MAPT: variants seen among roughly 807,000 people sequenced by gnomAD.
MAPT encodes microtubule associated protein tau.
In MAPT, 34 loss-of-function variants were observed where a neutral mutation model predicts 67.9. The observed-to-expected ratio is 0.50, with a 90% CI of 0.38 to 0.67. MAPT has a LOEUF of 0.67. MAPT is among the 30% of genes least tolerant of loss of function. The pLI is 0.00. For synonymous variants in MAPT, 456 were observed against 464.5 expected (o/e 0.98, Z 0.23); for missense variants, 881 against 1,115.2 (o/e 0.79, Z 2.99).
chr17:45,966,965 C>A (rs377118272), intron 2 of MAPT, among the ~76,000 whole-genome samples: 4 of 152,198 alleles, frequency 2.6e-5, no homozygotes, highest in East Asian at 3.9e-4. Flanking sequence ...CAAATTAATT[C>A]TTGCTACTGA....
intron 1 of MAPT, among the ~76,000 whole-genome samples, chr17:45,927,259 T>C (rs2066429572): frequency 6.6e-6 from 1 of 152,144 alleles, no homozygotes; most frequent in Non-Finnish European, 1.5e-5. Context: ...ATTTCTTTTC[T>C]GTTGTGGGCC....
intron 1 of MAPT, among the ~76,000 whole-genome samples, chr17:45,953,497 C>T (rs2069296702): frequency 6.6e-6 from 1 of 152,216 alleles, no homozygotes; most frequent in Admixed American, 6.5e-5. Flanking sequence ...AGCCTCCCTG[C>T]TTAGAGATTC....
chr17:45,974,180 G>A (rs2072045748), intron 3 of MAPT: 1 of 613,356 alleles, frequency 1.6e-6, no homozygotes, highest in African/African-American at 1.8e-5. Flanking sequence ...CGGTTCATGA[G>A]CCAGAACCAC....
chr17:45,909,063 A>G (rs1269482922), intron 1 of MAPT, among the ~76,000 whole-genome samples: 1 of 152,240 alleles, frequency 6.6e-6, no homozygotes, highest in African/African-American at 2.4e-5. Flanking sequence ...CATGGATCCC[A>G]GCGGGAGCTG....
chr17:45,972,056 C>G (rs1430317859), intron 3 of MAPT, 111 bp downstream of exon 3: 2 of 796,108 alleles, frequency 2.5e-6, no homozygotes, highest in South Asian at 2.9e-5. Context: ...GATGTGCTCA[C>G]TCCTTCGGTG....
chr17:45,938,693 A>G (rs2067580174), intron 1 of MAPT, among the ~76,000 whole-genome samples: 1 of 151,800 alleles, frequency 6.6e-6, no homozygotes, highest in African/African-American at 2.4e-5. Context: ...TTCAGGCTGG[A>G]GTGCAGTGGT....
intron 1 of MAPT, among the ~76,000 whole-genome samples, chr17:45,907,401 T>C (rs1026397118): frequency 6.6e-6 from 1 of 152,178 alleles, no homozygotes; most frequent in African/African-American, 2.4e-5. Context: ...TGCCTCACAG[T>C]TTCCTTCTTG....
chr17:45,900,332 G>T (rs560035447), intron 1 of MAPT, among the ~76,000 whole-genome samples: 3 of 152,318 alleles, frequency 2.0e-5, no homozygotes, highest in African/African-American at 4.8e-5. Context: ...CCTCTGCCAG[G>T]TTCCCTGCCT....
Position 45,996,557 on chromosome 17 carries a change from G to A in MAPT, c.1891G>A (p.Ala631Thr), listed in dbSNP as rs63750096. 1,820 of 1,612,214 alleles carry A rather than the reference G, an allele frequency of 1.1e-3. 2 individuals are homozygous for A. Among genetic ancestry groups the A allele is most frequent in the Non-Finnish European group, 1.4e-3 (1,667 of 1,179,172 alleles). ...VRTPPKSPSS[A>T]KSRLQTAPVP... ...TACTCCACCCAAGTCGCCGTCTTCC[G>A]CCAAGAGCCGCCTGCAGACAGCCCC... The change falls in exon 9 of 13, where the codon GCC becomes ACC. Residue 631 changes from alanine to threonine, a missense_variant. Transcript: ENST00000262410. This position sits in a 1 kb window ranked among gnomAD's most constrained non-coding sequence, Gnocchi z 4.5.
Position 45,996,862 on chromosome 17 carries a change from G to T in MAPT, c.1998+198G>T, listed in dbSNP as rs968859797. Among the ~76,000 whole-genome samples, 4 of 152,238 alleles carry T rather than the reference G, an allele frequency of 2.6e-5. No homozygotes were observed. Among genetic ancestry groups the T allele is most frequent in the African/African-American group, 4.8e-5 (2 of 41,460 alleles). On this transcript the variant is annotated intron_variant, in intron 9 of 12. Transcript: ENST00000262410. This position sits in a 1 kb window ranked among gnomAD's most constrained non-coding sequence, Gnocchi z 4.5. ...TCCCCTCTGGACCCTCTTCAAGGAA[G>T]TTCAGTTCTTTATTGGGCTCTCCAC...
chr17:46,012,940 G>A (rs2146058821), intron 10 of MAPT, among the ~76,000 whole-genome samples: 1 of 152,180 alleles, frequency 6.6e-6, no homozygotes, highest in Non-Finnish European at 1.5e-5. Context: ...CAACGTCCTT[G>A]CCACAGATCA....
At position 45,991,540 on chromosome 17, in the gene MAPT, G is replaced by A. The variant is rs776426411; in HGVS notation, c.1686G>A (p.Arg562=). The A allele has an allele frequency of 1.2e-6, 2 of 1,614,204 alleles. No individual in the cohort carries two copies. The highest frequency in any genetic ancestry group is 3.3e-5 in the Admixed American group (2 of 60,032). Residue 562 remains arginine, a synonymous_variant, in exon 8 of 13, where the codon AGG becomes AGA. Coordinates refer to ENST00000262410, the MANE Select transcript of MAPT (RefSeq NM_001377265.1). ...AGAAGGGCCAGGCCAACGCCACCAG[G>A]ATTCCAGCAAAAACCCCGCCCGCTC... The part of the protein sequence containing the change: ...PGQKGQANAT[R]IPAKTPPAPK...
chr17:46,019,665 G>C (rs1000056502), intron 12 of MAPT, among the ~76,000 whole-genome samples: 1 of 151,452 alleles, frequency 6.6e-6, no homozygotes, highest in African/African-American at 2.4e-5. Context: ...CACAGTGCTC[G>C]GCCTAAGTCA....
At chr17:45,908,252 A>G (rs2064470202) in intron 1 of MAPT, 1 of 152,214 alleles carries the variant, frequency 6.6e-6, no homozygotes, top group East Asian at 1.9e-4. Flanking sequence ...AAGCATGAAA[A>G]ATGTTCACAC....
At chr17:45,965,543 G>T (rs1401128084) in intron 2 of MAPT, among the ~76,000 whole-genome samples, 1 of 151,084 alleles carries the variant, frequency 6.6e-6, no homozygotes, top group Non-Finnish European at 1.5e-5. Context: ...AGCCTCCCAA[G>T]TAGCTAGGAT....
intron 11 of MAPT, among the ~76,000 whole-genome samples, chr17:46,017,323 G>T (rs1040040784): frequency 2.0e-5 from 3 of 152,110 alleles, no homozygotes; most frequent in Non-Finnish European, 2.9e-5. Flanking sequence ...TCCCAGGCTG[G>T]AGTGCAGTGG....
intron 4 of MAPT, among the ~76,000 whole-genome samples, chr17:45,981,274 A>G (rs3785885): frequency 0.73 from 110,827 of 152,096 alleles, 40,553 homozygotes; most frequent in East Asian, 0.85. Context: ...AGGTTGTTGC[A>G]TTGGGACTAG....
intron 4 of MAPT, among the ~76,000 whole-genome samples, chr17:45,981,177 C>T (rs763909839): frequency 1.3e-5 from 2 of 152,138 alleles, no homozygotes; most frequent in Non-Finnish European, 2.9e-5. Flanking sequence ...CCTTCCTCCC[C>T]GACCTCATCC....
chr17:46,015,809 C>A (rs2076141047), intron 11 of MAPT, among the ~76,000 whole-genome samples: 1 of 152,188 alleles, frequency 6.6e-6, no homozygotes. Context: ...GTGTCTGTAT[C>A]AAAACATCTC....
Sources: allele counts gnomAD v4.1 joint callset (sites outside exome capture counted in the v4.1 genomes callset), GRCh38; gene constraint gnomAD v4.1.1; non-coding constraint Gnocchi (gnomAD v3.1); transcripts MANE v1.5; gene names NCBI Gene and HGNC (gene_info 2026-07-23, HGNC 2026-07-21).